Variants in CCDC3 observed in about 807,000 individuals in gnomAD.
CCDC3 encodes coiled-coil domain containing 3, also known as coiled-coil domain-containing protein 3.
CCDC3 carries 24 observed loss-of-function variants against 21.4 expected under a neutral mutation model. That is an observed-to-expected ratio of 1.12 (90% CI 0.81 to 1.58). The LOEUF is 1.58. Among genes scored for constraint, CCDC3 ranks in the 40% most tolerant of loss-of-function variants. The probability of loss-of-function intolerance (pLI) is 0.00; values close to 1 mark genes in which losing one functional copy is unlikely to be tolerated. For synonymous variants in CCDC3, 186 were observed against 166.0 expected, an observed-to-expected ratio of 1.12 and a Z score of -0.93; for missense variants, 425 against 360.9, an observed-to-expected ratio of 1.18 and a Z score of -1.44.
rs201021474 is a variant in CCDC3 at position 13,082,670 on chromosome 10, C to CGGTT, written c.-502-8574_-502-8571dup. On this transcript the variant is annotated intron_variant, in intron 3 of 6. Transcript: ENST00000378839. Reference sequence around the variant, plus strand: ...TGCTAGACCAAGGTCAGCTAAGTAACGGTTGCCTTCCCAGGCACTGGTGTT... The same window carrying CGGTT: ...TGCTAGACCAAGGTCAGCTAAGTAACGGTTGGTTGCCTTCCCAGGCACTGGTGTT... 5.3e-3 allele frequency among the ~76,000 whole-genome samples: 801 copies of CGGTT among 152,298 alleles called. 3 individuals carry two copies. The highest frequency in any genetic ancestry group is 0.017 in the African/African-American group (714 of 41,568).
At chr10:13,079,892 A>G (rs551081750) in intron 3 of CCDC3, among the ~76,000 whole-genome samples, 160 of 152,328 alleles carry the variant, frequency 1.1e-3, no homozygotes, top group Non-Finnish European at 1.8e-3. Context: ...CTTTTGGCAA[A>G]GTTCCAAAGT....
At chr10:13,086,990 C>G (rs919097032) in intron 3 of CCDC3, among the ~76,000 whole-genome samples, 13 of 152,224 alleles carry the variant, frequency 8.5e-5, no homozygotes, top group African/African-American at 3.1e-4. Flanking sequence ...GCAGCCTCAG[C>G]TTTTCAAACC....
At chr10:13,069,733 T>A (rs1836861619) in intron 4 of CCDC3, among the ~76,000 whole-genome samples, 1 of 152,224 alleles carries the variant, frequency 6.6e-6, no homozygotes, top group Non-Finnish European at 1.5e-5. Context: ...TAATATATGT[T>A]CCAAAATTGT....
In CCDC3 at chr10:12,954,631, AC is replaced by A. The variant is rs1366130146; in HGVS notation, c.549+43706del. 2.6e-5 allele frequency among the ~76,000 whole-genome samples: 4 copies of A among 152,142 alleles called. No individual in the cohort carries two copies. The East Asian group carries it at 7.7e-4, about 29-fold the overall frequency. The stretch of plus-strand genomic sequence containing the variant: ...GGGAGGCACCAGGCTCTTTTTAATA[AC>A]CAGCTTTCATAGGAACTTACAGAGT... On this transcript the variant is annotated intron_variant, in intron 2 of 2. Coordinates refer to ENST00000378825, the MANE Select transcript of CCDC3 (RefSeq NM_031455.4).
At chr10:12,988,697 T>C (rs1222284519) in intron 2 of CCDC3, among the ~76,000 whole-genome samples, 1 of 152,172 alleles carries the variant, frequency 6.6e-6, no homozygotes, top group Non-Finnish European at 1.5e-5. Context: ...ATTTTTCCTA[T>C]GGACTGATAC....
intron 2 of CCDC3, among the ~76,000 whole-genome samples, chr10:12,982,423 G>A (rs12259262): frequency 0.015 from 2,328 of 151,886 alleles, 63 homozygotes; most frequent in African/African-American, 0.053. Context: ...TCCGCTATAC[G>A]ACAGCGTACA....
At chr10:13,063,426 T>C (rs567201941) in intron 4 of CCDC3, among the ~76,000 whole-genome samples, 1 of 152,326 alleles carries the variant, frequency 6.6e-6, no homozygotes, top group African/African-American at 2.4e-5. Flanking sequence ...CTTGGGTACC[T>C]TCCTTAACAT....
intron 2 of CCDC3, among the ~76,000 whole-genome samples, chr10:12,930,519 G>A (rs1834621469): frequency 1.3e-5 from 2 of 152,152 alleles, no homozygotes; most frequent in African/African-American, 4.8e-5. Context: ...TTGGAAACAT[G>A]GGGCACAATA....
At chr10:13,074,918 C>T (rs1836942865) in intron 3 of CCDC3, among the ~76,000 whole-genome samples, 1 of 152,192 alleles carries the variant, frequency 6.6e-6, no homozygotes, top group Non-Finnish European at 1.5e-5. Context: ...AATATGAGTG[C>T]CTTCTTTAAG....
chr10:12,978,019 CTTTT>C (rs532349051), intron 2 of CCDC3, among the ~76,000 whole-genome samples: 1 of 144,096 alleles, frequency 6.9e-6, no homozygotes, highest in African/African-American at 2.5e-5. Flanking sequence ...TTTCCACACT[CTTTT>C]TTTTTTTTTT....
chr10:12,962,098 T>A (rs987947396), intron 2 of CCDC3, among the ~76,000 whole-genome samples: 7 of 152,196 alleles, frequency 4.6e-5, no homozygotes, highest in Admixed American at 4.6e-4. Context: ...GAAACTGCTA[T>A]CTTCATGCTG....
chr10:12,949,746 G>C (rs1459343364), intron 2 of CCDC3, among the ~76,000 whole-genome samples: 1 of 152,186 alleles, frequency 6.6e-6, no homozygotes, highest in Non-Finnish European at 1.5e-5. Context: ...TGAAGCAAAA[G>C]ACTATTCCAG....
At chr10:12,943,468 ACAAGCT>A (rs1180570928) in intron 2 of CCDC3, among the ~76,000 whole-genome samples, 1 of 152,240 alleles carries the variant, frequency 6.6e-6, no homozygotes, top group Non-Finnish European at 1.5e-5. Flanking sequence ...AGCTGCAAAC[ACAAGCT>A]TGCATAGGCA....
chr10:13,089,095 A>T (rs1361471045), intron 3 of CCDC3, among the ~76,000 whole-genome samples: 1 of 152,098 alleles, frequency 6.6e-6, no homozygotes, highest in Non-Finnish European at 1.5e-5. Context: ...TCCCTCCTCA[A>T]ATTCTCCAGG....
intron 2 of CCDC3, among the ~76,000 whole-genome samples, chr10:12,994,016 T>C (rs376049055): frequency 6.6e-6 from 1 of 152,140 alleles, no homozygotes; most frequent in Non-Finnish European, 1.5e-5. Context: ...GTGAGAACTA[T>C]CAGGGAAGAG....
chr10:13,000,798 G>C (rs192983804), intron 1 of CCDC3, among the ~76,000 whole-genome samples: 9 of 152,110 alleles, frequency 5.9e-5, no homozygotes, highest in African/African-American at 2.2e-4. Flanking sequence ...TCAGAATCAC[G>C]GTTAGGAAGG....
At chr10:12,918,765 C>G (rs116461274) in intron 2 of CCDC3, among the ~76,000 whole-genome samples, 73 of 152,136 alleles carry the variant, frequency 4.8e-4, no homozygotes, top group African/African-American at 1.7e-3. Context: ...AAAAAAGACA[C>G]CAAGTTGGCC....
chr10:12,940,230 T>C (rs1213150588), intron 2 of CCDC3, among the ~76,000 whole-genome samples: 1 of 6,318 alleles, frequency 1.6e-4, no homozygotes, highest in African/African-American at 4.9e-4. Context: ...ATTGAAATTG[T>C]TTTTTTTTTT....
intron 2 of CCDC3, among the ~76,000 whole-genome samples, chr10:12,932,256 T>G (rs1834658162): frequency 6.6e-6 from 1 of 152,188 alleles, no homozygotes; most frequent in African/African-American, 2.4e-5. Flanking sequence ...CTATGATGGG[T>G]TTATCAGGAC....
Sources: allele counts gnomAD v4.1 joint callset (sites outside exome capture counted in the v4.1 genomes callset), GRCh38; gene constraint gnomAD v4.1.1; transcripts MANE v1.5; gene names NCBI Gene and HGNC (gene_info 2026-07-23, HGNC 2026-07-21).